Variants in WDPCP observed in about 807,000 individuals in gnomAD.
The protein encoded by WDPCP is WD repeat containing planar cell polarity effector.
A neutral mutation model predicts 93.1 loss-of-function variants in WDPCP; 71 were observed. The ratio of observed to expected loss-of-function variants is 0.76; its 90% CI spans 0.63 to 0.93. The LOEUF (loss-of-function observed/expected upper bound fraction) is 0.93, where lower values mean the gene tolerates loss of function less well. Ranked by LOEUF, WDPCP falls within the 40% of genes least tolerant of loss-of-function variation. WDPCP has a pLI of 0.00. For synonymous variants in WDPCP, 315 were observed against 315.0 expected (o/e 1.00, Z 0.00); for missense variants, 844 against 887.4 (o/e 0.95, Z 0.62).
At chr2:63,406,808 A>T (rs1181036822) in intron 9 of WDPCP, among the ~76,000 whole-genome samples, 1 of 152,168 alleles carries the variant, frequency 6.6e-6, no homozygotes. Flanking sequence ...TGTACAGGGT[A>T]GACACTTGTC....
intron 14 of WDPCP, among the ~76,000 whole-genome samples, chr2:63,251,453 G>A (rs1393540985): frequency 1.5e-5 from 2 of 136,700 alleles, no homozygotes; most frequent in Non-Finnish European, 3.2e-5. Context: ...CAATAAACAA[G>A]TTATGAAATT....
intron 2 of WDPCP, among the ~76,000 whole-genome samples, chr2:63,662,550 A>G (rs1164501415): frequency 6.6e-6 from 1 of 152,078 alleles, no homozygotes; most frequent in Non-Finnish European, 1.5e-5. Flanking sequence ...CCATGATAAG[A>G]GCCAGGGTTG....
intron 14 of WDPCP, among the ~76,000 whole-genome samples, chr2:63,213,023 G>T (rs916139353): frequency 6.6e-6 from 1 of 152,054 alleles, no homozygotes; most frequent in East Asian, 1.9e-4. Context: ...CAATAATAAT[G>T]GGAGACTCAG....
At chr2:63,571,272 C>T (rs1707477747) in intron 1 of WDPCP, 1 of 419,246 alleles carries the variant, frequency 2.4e-6, no homozygotes, top group South Asian at 1.8e-5. Context: ...AATCAGTGTA[C>T]TATATTTACA....
At chr2:63,370,002 C>T (rs2104764310) in intron 12 of WDPCP, among the ~76,000 whole-genome samples, 1 of 152,260 alleles carries the variant, frequency 6.6e-6, no homozygotes, top group South Asian at 2.1e-4. Flanking sequence ...CACTCACACA[C>T]CCAATTAGCT....
At chr2:63,434,117 A>C (rs1453468132) in intron 8 of WDPCP, among the ~76,000 whole-genome samples, 181 bp from the exon 9 acceptor site, 1 of 152,224 alleles carries the variant, frequency 6.6e-6, no homozygotes, top group Non-Finnish European at 1.5e-5. Flanking sequence ...TAAAAAAGAC[A>C]TATGTTCAAA....
At position 63,121,400 on chromosome 2, in the gene WDPCP, T is replaced by G. The variant is rs1355818481; in HGVS notation, c.*606A>C. 1 of 83,990 alleles carries G rather than the reference T, an allele frequency of 1.2e-5. No homozygotes were observed. The highest frequency in any genetic ancestry group is 2.5e-5 in the Non-Finnish European group (1 of 40,186). The allele number at this position is 83,990 out of a possible 1,614,324, so 5.2% of individuals were successfully genotyped here. A position where few individuals can be genotyped will look rare whatever the true frequency, so the allele number is the denominator to read the frequency against. On this transcript the variant is annotated 3_prime_UTR_variant, in exon 18 of 18. Transcript: ENST00000272321. ...TCTTTCTTTTTTTTTTTTTTTTTTT[T>G]TGGAGACAGGGTCACTCTCTGTTGC... is the stretch of plus-strand genomic sequence containing the variant.
chr2:63,255,464 C>T (rs563202997), intron 14 of WDPCP, among the ~76,000 whole-genome samples: 52 of 152,278 alleles, frequency 3.4e-4, no homozygotes, highest in African/African-American at 1.2e-3. Context: ...TCTTACATGG[C>T]TTGGTGCCCT....
chr2:63,341,375 C>G (rs528819376), intron 12 of WDPCP, among the ~76,000 whole-genome samples: 12 of 152,202 alleles, frequency 7.9e-5, no homozygotes, highest in Admixed American at 3.3e-4. Context: ...GTGATCCACC[C>G]TCCTCGGCCT....
intron 1 of WDPCP, among the ~76,000 whole-genome samples, chr2:63,542,136 C>T (rs964621344): frequency 3.3e-5 from 5 of 152,048 alleles, no homozygotes; most frequent in African/African-American, 9.7e-5. Context: ...TTTAACAGAG[C>T]GTGTCAAATG....
At chr2:63,213,910 A>T (rs1314088081) in intron 14 of WDPCP, among the ~76,000 whole-genome samples, 2 of 152,160 alleles carry the variant, frequency 1.3e-5, no homozygotes, top group African/African-American at 4.8e-5. Context: ...CACCCTCCCA[A>T]GAATACACCA....
At chr2:63,612,711 C>T (rs1281488658) in intron 3 of WDPCP, among the ~76,000 whole-genome samples, 1 of 152,140 alleles carries the variant, frequency 6.6e-6, no homozygotes, top group African/African-American at 2.4e-5. Flanking sequence ...GCTATATAAA[C>T]TCAAATTCTA....
At chr2:63,282,560 T>C (rs1683651536) in intron 13 of WDPCP, among the ~76,000 whole-genome samples, 1 of 152,046 alleles carries the variant, frequency 6.6e-6, no homozygotes, top group African/African-American at 2.4e-5. Flanking sequence ...AATAGAGAAC[T>C]CAGAAAGAAA....
chr2:63,840,349 G>A, the WDPCP span, among the ~76,000 whole-genome samples: 1 of 152,228 alleles, frequency 6.6e-6, no homozygotes, highest in Admixed American at 6.5e-5. Context: ...TCTACCAAAA[G>A]AAAAGCATCT....
chr2:63,603,016 A>G lies in WDPCP; in HGVS notation n.488+47643T>C, dbSNP rs569018443. On this transcript the variant is annotated intron_variant and non_coding_transcript_variant, in intron 3 of 4. Coordinates refer to the WDPCP transcript ENST00000467687. The stretch of plus-strand genomic sequence containing the variant: ...GCCCTGTCGCCTAGGCTGGAGTGCA[A>G]TGGCACGATCTCGGCTCACTGCAAC... Among the ~76,000 whole-genome samples the G allele has an allele frequency of 5.5e-5, 7 of 127,410 alleles. No individual in the cohort carries two copies. In the East Asian group the frequency reaches 1.4e-3, roughly 25 times the overall value. The allele number at this position is 127,410 out of a possible 152,430, so 83.6% of individuals were successfully genotyped here. A position where few individuals can be genotyped will look rare whatever the true frequency, so the allele number is the denominator to read the frequency against.
chr2:63,582,770 A>G (rs1306357859), intron 1 of WDPCP, among the ~76,000 whole-genome samples: 1 of 152,202 alleles, frequency 6.6e-6, no homozygotes, highest in Admixed American at 6.5e-5. Context: ...CAGTGGATCA[A>G]GATCTTCAAA....
rs201653047 is a variant in WDPCP at position 63,795,499 on chromosome 2, C to CA, written n.308+18122dup. ...TGGGCAACATAGTGAGACCCTGTCT[C>CA]AAAAAAAAAAAGAAAGAAAGAAAGA... On this transcript the variant is annotated intron_variant and non_coding_transcript_variant, in intron 2 of 4. Transcript: ENST00000467687. Among the ~76,000 whole-genome samples, 411 of 82,340 alleles carry CA rather than the reference C, an allele frequency of 5.0e-3. 16 individuals are homozygous for CA. In the East Asian group the frequency reaches 0.11, roughly 21 times the overall value. 54.0% of individuals were successfully genotyped at this position (82,340 alleles called of 152,430 possible).
At chr2:63,325,462 C>T (rs1400352869) in intron 12 of WDPCP, among the ~76,000 whole-genome samples, 1 of 152,206 alleles carries the variant, frequency 6.6e-6, no homozygotes, top group Non-Finnish European at 1.5e-5. Context: ...TCATCACCCT[C>T]ACTGAGCCCC....
chr2:63,594,260 T>A (rs1709259443), intron 3 of WDPCP: 1 of 623,912 alleles, frequency 1.6e-6, no homozygotes, highest in South Asian at 1.4e-5. Flanking sequence ...GTGGATAAGA[T>A]TATGTAAGTA....
Sources: gnomAD v4.1 joint callset for allele counts (sites outside exome capture counted in the v4.1 genomes callset) on GRCh38, gnomAD v4.1.1 for gene constraint, MANE v1.5 for transcripts, NCBI Gene and HGNC (gene_info 2026-07-23, HGNC 2026-07-21) for gene names.